The following SPATA13 variants were observed in gnomAD, a reference collection of about 807,000 sequenced individuals.
SPATA13 encodes the protein spermatogenesis associated 13, also known as spermatogenesis-associated protein 13.
A neutral mutation model predicts 104.0 loss-of-function variants in SPATA13; 50 were observed. The observed-to-expected ratio is 0.48, with a 90% CI of 0.38 to 0.61. The LOEUF is 0.61. Among genes scored for constraint, SPATA13 ranks in the 20% least tolerant of loss-of-function variants. The pLI is 0.00. For synonymous variants in SPATA13, 606 were observed against 667.5 expected (o/e 0.91, Z 1.42); for missense variants, 1,524 against 1,690.6 (o/e 0.90, Z 1.73).
chr13:24,089,442 G>A (rs1183755649), intron 3 of SPATA13, among the ~76,000 whole-genome samples: 2 of 152,160 alleles, frequency 1.3e-5, no homozygotes, highest in Non-Finnish European at 2.9e-5. Context: ...GTCTATTATT[G>A]TCTTTTAGTA....
intron 3 of SPATA13, among the ~76,000 whole-genome samples, chr13:24,074,442 ATTG>A (rs1299607183): frequency 6.6e-6 from 1 of 152,046 alleles, no homozygotes; most frequent in Non-Finnish European, 1.5e-5. Flanking sequence ...CCTTTTGGCT[ATTG>A]TGAATAGTAT....
chr13:24,245,584 CTTTT>C (rs61316306), intron 2 of SPATA13, among the ~76,000 whole-genome samples: 34 of 88,638 alleles, frequency 3.8e-4, no homozygotes, highest in African/African-American at 9.0e-4. Context: ...ACAGTTGTTT[CTTTT>C]TTTTTTTTTT....
chr13:24,109,667 A>G (rs1173471542), intron 3 of SPATA13, among the ~76,000 whole-genome samples: 1 of 152,112 alleles, frequency 6.6e-6, no homozygotes, highest in East Asian at 1.9e-4. Context: ...ACTAGAACCT[A>G]CGGAAACTCT....
At chr13:24,094,859 T>A (rs7334772) in intron 3 of SPATA13, among the ~76,000 whole-genome samples, 140,297 of 152,270 alleles carry the variant, frequency 0.92, 65,032 homozygotes, top group Middle Eastern at 0.98. Context: ...AAAAACCTCC[T>A]TACCACCTTA....
rs553957344 is a variant in SPATA13 at position 24,253,712 on chromosome 13, G to C, written c.2164+1850G>C. On this transcript the variant is annotated intron_variant, in intron 4 of 12. Coordinates refer to ENST00000382108, the MANE Select transcript of SPATA13 (RefSeq NM_001166271.3). ...GGGGAGATAGCCTCCTCTCCAAGGA[G>C]GTGACGCTGGGGACAGGTGAGTAGG... Among the ~76,000 whole-genome samples the C allele has an allele frequency of 2.0e-5, 3 of 152,216 alleles. No individual in the cohort carries two copies. In the South Asian group the frequency reaches 6.2e-4, roughly 32 times the overall value.
intron 3 of SPATA13, among the ~76,000 whole-genome samples, chr13:24,037,276 A>G (rs1270431611): frequency 7.9e-5 from 12 of 151,714 alleles, no homozygotes; most frequent in Middle Eastern, 3.4e-3. Flanking sequence ...TGGGTGCAGC[A>G]CACCAACATG....
chr13:24,031,179 C>T (rs1432798971), intron 3 of SPATA13, among the ~76,000 whole-genome samples: 1 of 152,146 alleles, frequency 6.6e-6, no homozygotes, highest in African/African-American at 2.4e-5. Context: ...GAGGGGAGGC[C>T]CTTTCATGGA....
At chr13:24,229,230 C>T (rs1417983661) in intron 2 of SPATA13, among the ~76,000 whole-genome samples, 1 of 152,152 alleles carries the variant, frequency 6.6e-6, no homozygotes, top group Non-Finnish European at 1.5e-5. Context: ...GCAGCAGAGT[C>T]AGTGGTTCAG....
At chr13:24,168,579 C>T (rs1324119429) in intron 1 of SPATA13, among the ~76,000 whole-genome samples, 1 of 152,050 alleles carries the variant, frequency 6.6e-6, no homozygotes, top group Non-Finnish European at 1.5e-5. Flanking sequence ...CACAAGCAGC[C>T]CAGTATGATG....
At chr13:24,239,544 A>G (rs1265286067) in intron 2 of SPATA13, among the ~76,000 whole-genome samples, 1 of 151,630 alleles carries the variant, frequency 6.6e-6, no homozygotes, top group Non-Finnish European at 1.5e-5. Flanking sequence ...AAACTAGACA[A>G]ATTAGCCAGG....
intron 11 of SPATA13, among the ~76,000 whole-genome samples, chr13:24,299,879 CACTGTGCT>C (rs959924053): frequency 6.6e-6 from 1 of 152,240 alleles, no homozygotes; most frequent in African/African-American, 2.4e-5. Context: ...CGTACACTGT[CACTGTGCT>C]ACTGGACTTT....
chr13:24,139,843 G>A (rs891817929), intron 3 of SPATA13, among the ~76,000 whole-genome samples: 13 of 152,134 alleles, frequency 8.5e-5, no homozygotes, highest in Admixed American at 2.6e-4. Flanking sequence ...CAAGGAGGGC[G>A]GATAACGAGG....
intron 3 of SPATA13, among the ~76,000 whole-genome samples, chr13:24,130,593 A>C (rs1188207999): frequency 6.6e-6 from 1 of 152,220 alleles, no homozygotes; most frequent in Non-Finnish European, 1.5e-5. Context: ...TCAGAAGTTT[A>C]AAGGTGGCCA....
In SPATA13 at chr13:24,224,435, A is replaced by G; in HGVS notation, c.1506A>G (p.Glu502=). 1 of 1,551,744 alleles carries G rather than the reference A, an allele frequency of 6.4e-7. No homozygotes were observed. The highest frequency in any genetic ancestry group is 8.7e-7 in the Non-Finnish European group (1 of 1,146,996). Residue 502 remains glutamate (E), a synonymous_variant, in exon 2 of 13, where the codon GAA becomes GAG. Coordinates refer to ENST00000382108, the MANE Select transcript of SPATA13 (RefSeq NM_001166271.3). The part of the protein sequence containing the change: ...SALSANSEES[E]GRAEEPAQRE... ...TGTCCGCGAATTCAGAGGAAAGTGA[A>G]GGAAGGGCAGAAGAGCCTGCTCAGA... is the stretch of plus-strand genomic sequence containing the variant.
chr13:24,190,942 C>T (rs896939671), intron 1 of SPATA13, among the ~76,000 whole-genome samples: 1 of 152,022 alleles, frequency 6.6e-6, no homozygotes, highest in Non-Finnish European at 1.5e-5. Context: ...TCAACAAATG[C>T]AGCAAACCTC....
At position 24,072,767 on chromosome 13, in the gene SPATA13, G is replaced by A. The variant is rs555416392; in HGVS notation, c.-112+55066G>A. Among the ~76,000 whole-genome samples the A allele has an allele frequency of 7.6e-4, 115 of 150,450 alleles. 1 individual carries two copies. Among genetic ancestry groups the A allele is most frequent in the African/African-American group, 2.8e-3 (113 of 40,826 alleles). On this transcript the variant is annotated intron_variant, in intron 3 of 14. Coordinates refer to the SPATA13 transcript ENST00000424834. ...TTGGAGCCTCTCCTCCCTCGGCATC[G>A]CTTTTTCCTGGTTCCTCTGAGTTGC...
At chr13:24,003,825 A>C (rs1459774232) in intron 2 of SPATA13, among the ~76,000 whole-genome samples, 1 of 152,226 alleles carries the variant, frequency 6.6e-6, no homozygotes, top group East Asian at 1.9e-4. Flanking sequence ...GATTTGACTC[A>C]CATATTTAAT....
rs1305372367 is a variant in SPATA13, at chr13:24,161,321, G to T, written c.-112+389G>T. 6.6e-6 allele frequency among the ~76,000 whole-genome samples: 1 copy of T among 152,228 alleles called. No individual in the cohort carries two copies. Among genetic ancestry groups the T allele is most frequent in the Non-Finnish European group, 1.5e-5 (1 of 68,044 alleles). On this transcript the variant is annotated intron_variant, in intron 1 of 12. Coordinates refer to ENST00000382108, the MANE Select transcript of SPATA13 (RefSeq NM_001166271.3). The surrounding 1 kb of genome is among the most constrained non-coding windows in gnomAD (Gnocchi z 4.5). ...CCGTGGGGGTGGCAGAGTCTGGGGA[G>T]CCTGGCGCGGCGGAGCCCTGTAACG...
rs995704023 is a variant in SPATA13 at position 24,249,534 on chromosome 13, G to A, written c.1711G>A (p.Ala571Thr). The A allele has an allele frequency of 6.2e-7, 1 of 1,610,638 alleles. No homozygotes were observed. Among genetic ancestry groups the A allele is most frequent in the African/African-American group, 1.3e-5 (1 of 74,772 alleles). Residue 571 changes from alanine (A) to threonine (T), a missense_variant, in exon 3 of 13, where the codon GCA (alanine) becomes ACA (threonine). Coordinates refer to ENST00000382108, the MANE Select transcript of SPATA13 (RefSeq NM_001166271.3). Reference sequence around the variant, plus strand: ...ATCACAGGATGAGGAAAGGACAGAGGCACAGAGAACCCCCAAGAGGAGATG... The same window carrying A: ...ATCACAGGATGAGGAAAGGACAGAGACACAGAGAACCCCCAAGAGGAGATG... ...SSSQDEERTE[A>T]QRTPKRRWGS...
Sources: allele counts gnomAD v4.1 joint callset (sites outside exome capture counted in the v4.1 genomes callset), GRCh38; gene constraint gnomAD v4.1.1; non-coding constraint Gnocchi (gnomAD v3.1); transcripts MANE v1.5; gene names NCBI Gene and HGNC (gene_info 2026-07-23, HGNC 2026-07-21).